The following DLG2 variants were observed in gnomAD, a reference collection of about 807,000 sequenced individuals.
DLG2 encodes the protein discs large MAGUK scaffold protein 2.
In DLG2, 45 loss-of-function variants were observed where a neutral mutation model predicts 132.5. The observed-to-expected ratio is 0.34, with a 90% CI of 0.27 to 0.44. The LOEUF is 0.44. Ranked by LOEUF, DLG2 falls within the 20% of genes least tolerant of loss-of-function variation. The pLI, the probability that DLG2 is intolerant of heterozygous loss-of-function variation, is 1.00. For missense variants in DLG2, 1,045 were observed against 1,196.9 expected (o/e 0.87, Z 1.87); for synonymous variants, 424 against 419.6 (o/e 1.01, Z -0.13).
intron 4 of DLG2, among the ~76,000 whole-genome samples, chr11:85,261,827 C>A (rs539360963): frequency 2.0e-5 from 3 of 152,066 alleles, no homozygotes; most frequent in East Asian, 3.9e-4. Context: ...GATAAGGAGG[C>A]GGCCCTTAAA....
At chr11:84,955,342 G>C (rs2051506320) in intron 6 of DLG2, 3 of 152,156 alleles carry the variant, frequency 2.0e-5, no homozygotes, top group African/African-American at 7.2e-5. Context: ...ATTTACAGAT[G>C]AGAAGACTTT....
intron 6 of DLG2, among the ~76,000 whole-genome samples, chr11:84,969,967 T>G (rs1200543007): frequency 6.6e-6 from 1 of 151,850 alleles, no homozygotes; most frequent in Admixed American, 6.6e-5. Flanking sequence ...AGTTGAACGA[T>G]GAGAACGCAT....
At chr11:84,586,477 T>C (rs972346474) in intron 6 of DLG2, among the ~76,000 whole-genome samples, 1 of 152,194 alleles carries the variant, frequency 6.6e-6, no homozygotes, top group Non-Finnish European at 1.5e-5. Context: ...TCATGTATCA[T>C]CATTTCTCAG....
chr11:83,942,729 T>A (rs2082940587), intron 14 of DLG2, among the ~76,000 whole-genome samples: 1 of 152,234 alleles, frequency 6.6e-6, no homozygotes, highest in African/African-American at 2.4e-5. Flanking sequence ...TTTTTTGTAT[T>A]TTAAATTAAT....
At chr11:85,033,320 G>A (rs572638652) in intron 6 of DLG2, among the ~76,000 whole-genome samples, 4 of 150,186 alleles carry the variant, frequency 2.7e-5, no homozygotes, top group Admixed American at 2.7e-4. Flanking sequence ...TCCTAGTCAG[G>A]GACTTGTGCC....
chr11:85,340,665 A>G (rs1565347860), intron 3 of DLG2, among the ~76,000 whole-genome samples: 1 of 152,192 alleles, frequency 6.6e-6, no homozygotes, highest in Non-Finnish European at 1.5e-5. Flanking sequence ...AATTTTTTTA[A>G]AAAGAATATT....
At chr11:84,970,281 C>T (rs1224598099) in intron 6 of DLG2, among the ~76,000 whole-genome samples, 1 of 152,106 alleles carries the variant, frequency 6.6e-6, no homozygotes, top group Non-Finnish European at 1.5e-5. Flanking sequence ...GAACTTCCCC[C>T]ATCCCATCTG....
intron 6 of DLG2, among the ~76,000 whole-genome samples, chr11:84,616,515 G>A (rs1178841253): frequency 2.6e-5 from 4 of 152,016 alleles, no homozygotes; most frequent in African/African-American, 9.7e-5. Flanking sequence ...ACAAAGCACT[G>A]TCCAGTAGAA....
chr11:83,914,282 C>A (rs1389951162), intron 15 of DLG2, among the ~76,000 whole-genome samples: 1 of 152,098 alleles, frequency 6.6e-6, no homozygotes, highest in Admixed American at 6.6e-5. Flanking sequence ...CTCTTGCTCT[C>A]TTCCTCTCAC....
At chr11:84,649,548 A>C (rs1183337970) in intron 6 of DLG2, among the ~76,000 whole-genome samples, 1 of 152,200 alleles carries the variant, frequency 6.6e-6, no homozygotes, top group Non-Finnish European at 1.5e-5. Flanking sequence ...GCATAAAGCT[A>C]CTCATAGTGG....
chr11:84,763,413 C>T (rs1031659884), intron 6 of DLG2: 3 of 152,110 alleles, frequency 2.0e-5, no homozygotes, highest in African/African-American at 7.2e-5. Flanking sequence ...TTCCATTTAC[C>T]TATCCATTTG....
intron 3 of DLG2, among the ~76,000 whole-genome samples, chr11:85,496,506 A>C (rs1344502099): frequency 1.3e-5 from 2 of 152,290 alleles, no homozygotes; most frequent in Non-Finnish European, 2.9e-5. Context: ...TCTGAACAAA[A>C]GGTAGCAAAC....
At chr11:85,472,026 G>T (rs2093000176) in intron 3 of DLG2, among the ~76,000 whole-genome samples, 1 of 152,084 alleles carries the variant, frequency 6.6e-6, no homozygotes, top group African/African-American at 2.4e-5. Context: ...GGCAGACAAG[G>T]GTGGGTCCCT....
At chr11:83,541,557 G>C in intron 20 of DLG2, 125 bp downstream of exon 20, 1 of 878,276 alleles carries the variant, frequency 1.1e-6, no homozygotes, top group Non-Finnish European at 1.6e-6. Flanking sequence ...CAATTTTCCT[G>C]CAGATTGACT....
intron 4 of DLG2, among the ~76,000 whole-genome samples, chr11:85,234,534 C>A (rs1328490095): frequency 6.6e-6 from 1 of 151,938 alleles, no homozygotes; most frequent in East Asian, 1.9e-4. Flanking sequence ...ACAGAAAGTG[C>A]CTAATGATCA....
At chr11:84,703,985 G>T (rs2059520687) in intron 6 of DLG2, among the ~76,000 whole-genome samples, 1 of 147,734 alleles carries the variant, frequency 6.8e-6, no homozygotes, top group Non-Finnish European at 1.5e-5. Context: ...TTTTTCCTCT[G>T]TTTTAAATAA....
intron 7 of DLG2, among the ~76,000 whole-genome samples, chr11:84,292,524 G>A (rs886600020): frequency 3.9e-5 from 6 of 152,016 alleles, no homozygotes; most frequent in South Asian, 2.1e-4. Flanking sequence ...TGAGTTCAGG[G>A]GTATGTTAGC....
chr11:83,729,980 A>G (rs1034063686), intron 18 of DLG2, among the ~76,000 whole-genome samples: 3 of 152,160 alleles, frequency 2.0e-5, no homozygotes, highest in African/African-American at 7.2e-5. Flanking sequence ...TATAGAACCA[A>G]AAATAAAACA....
At chr11:85,080,664 G>A (rs555110699) in intron 6 of DLG2, among the ~76,000 whole-genome samples, 121 of 152,188 alleles carry the variant, frequency 8.0e-4, no homozygotes, top group African/African-American at 2.9e-3. Context: ...TTCTAGATGA[G>A]GTAGGTGTAT....
Sources: gnomAD v4.1 joint callset for allele counts (sites outside exome capture counted in the v4.1 genomes callset) on GRCh38, gnomAD v4.1.1 for gene constraint, MANE v1.5 for transcripts, NCBI Gene and HGNC (gene_info 2026-07-23, HGNC 2026-07-21) for gene names.